The following UBE2D2 variants were observed in gnomAD, a reference collection of about 807,000 sequenced individuals.
UBE2D2 encodes ubiquitin-conjugating enzyme E2 D2.
A neutral mutation model predicts 24.2 loss-of-function variants in UBE2D2; 2 were observed. The ratio of observed to expected loss-of-function variants is 0.08; its 90% confidence interval spans 0.03 to 0.26. The LOEUF (loss-of-function observed/expected upper bound fraction) is 0.26. UBE2D2 is among the 10% of genes least tolerant of loss of function. The pLI, the probability that UBE2D2 is intolerant of heterozygous loss-of-function variation, is 1.00. For missense variants in UBE2D2, 44 were observed against 177.6 expected, an observed-to-expected ratio of 0.25 and a Z score of 4.28; for synonymous variants, 58 against 56.5, an observed-to-expected ratio of 1.03 and a Z score of -0.12.
At chr5:139,574,674 A>G (rs1021189990) in intron 1 of UBE2D2, among the ~76,000 whole-genome samples, 1 of 151,626 alleles carries the variant, frequency 6.6e-6, no homozygotes, top group African/African-American at 2.4e-5. Flanking sequence ...CCTAGTACCT[A>G]AAGCATGGTA....
chr5:139,564,476 C>G (rs143924305), intron 1 of UBE2D2, among the ~76,000 whole-genome samples: 7,696 of 142,300 alleles, frequency 0.054, 243 homozygotes, highest in South Asian at 0.11. Context: ...TTTTTGGAGA[C>G]GGAGTCTCCC....
intron 2 of UBE2D2, among the ~76,000 whole-genome samples, chr5:139,611,841 A>G (rs1754326111): frequency 6.6e-6 from 1 of 152,180 alleles, no homozygotes; most frequent in Non-Finnish European, 1.5e-5. Flanking sequence ...AAAACTGCCA[A>G]TACCTGATTT....
At chr5:139,539,182 G>A (rs372867947) in intron 1 of UBE2D2, among the ~76,000 whole-genome samples, 1 of 151,748 alleles carries the variant, frequency 6.6e-6, no homozygotes, top group South Asian at 2.1e-4. Flanking sequence ...CCACCACCAC[G>A]ACCAGCTAAT....
chr5:139,602,925 A>C (rs534369940), intron 2 of UBE2D2, among the ~76,000 whole-genome samples: 1 of 152,308 alleles, frequency 6.6e-6, no homozygotes, highest in Admixed American at 6.5e-5. Flanking sequence ...AAACTATACA[A>C]AATAATTTAG....
At chr5:139,606,251 T>A (rs879316869) in intron 2 of UBE2D2, among the ~76,000 whole-genome samples, 2 of 152,172 alleles carry the variant, frequency 1.3e-5, no homozygotes, top group Non-Finnish European at 2.9e-5. Context: ...AACCTCTGCG[T>A]CCCAGGTTCA....
intron 2 of UBE2D2, among the ~76,000 whole-genome samples, chr5:139,607,208 A>G (rs778174939): frequency 1.3e-5 from 2 of 152,246 alleles, no homozygotes; most frequent in African/African-American, 2.4e-5. Flanking sequence ...GAGTCTAGAA[A>G]GGCTTCCAGA....
chr5:139,582,663 CG>C (rs1263174939), intron 1 of UBE2D2, among the ~76,000 whole-genome samples: 6 of 143,192 alleles, frequency 4.2e-5, no homozygotes, highest in African/African-American at 8.1e-5. Context: ...GATTTAGATT[CG>C]AATTTTTTTT....
intron 1 of UBE2D2, among the ~76,000 whole-genome samples, chr5:139,538,341 A>T (rs1752713164): frequency 6.6e-6 from 1 of 152,188 alleles, no homozygotes; most frequent in Non-Finnish European, 1.5e-5. Flanking sequence ...AGTTCATAGC[A>T]GCATTACTCA....
rs757813580 is a variant in UBE2D2, at chr5:139,553,770, G to GTTAT, written c.-64+27174_-64+27177dup. Among the ~76,000 whole-genome samples, 3 of 151,988 alleles carry GTTAT rather than the reference G, an allele frequency of 2.0e-5. No individual in the cohort carries two copies. The South Asian group carries it at 6.2e-4, about 31-fold the overall frequency. On this transcript the variant is annotated intron_variant, in intron 1 of 6. Transcript: ENST00000511725. ...AAATCTTTAATGTTTGGTTCCATGA[G>GTTAT]TTATTTATTTATTTATTTAAATTTT...
At chr5:139,560,786 A>C (rs1409507142), upstream of UBE2D2, among the ~76,000 whole-genome samples, 1 of 152,122 alleles carries the variant, frequency 6.6e-6, no homozygotes, top group Non-Finnish European at 1.5e-5. Flanking sequence ...CACAACATTC[A>C]AATCCTCTCC....
At chr5:139,532,126 T>C (rs895793000) in intron 1 of UBE2D2, among the ~76,000 whole-genome samples, 11 of 152,030 alleles carry the variant, frequency 7.2e-5, no homozygotes, top group African/African-American at 2.7e-4. Flanking sequence ...AAATTTCAGT[T>C]TGCATATCCT....
chr5:139,606,740 T>C (rs957783317), intron 2 of UBE2D2, among the ~76,000 whole-genome samples: 1 of 152,218 alleles, frequency 6.6e-6, no homozygotes, highest in African/African-American at 2.4e-5. Context: ...TTTATGCTTA[T>C]GGTCCAGTAT....
Position 139,612,526 on chromosome 5 carries a change from C to G in UBE2D2, c.89-2060C>G, listed in dbSNP as rs373458931. On this transcript the variant is annotated intron_variant, in intron 2 of 6. Coordinates refer to ENST00000398733, the MANE Select transcript of UBE2D2 (RefSeq NM_003339.3). Reference sequence around the variant, plus strand: ...TGCTTTCTTACTATCTTACCCAACTCTTACAGCTTTGAGTGGAAATGCAGG... The same window carrying G: ...TGCTTTCTTACTATCTTACCCAACTGTTACAGCTTTGAGTGGAAATGCAGG... Among the ~76,000 whole-genome samples, 4 of 152,228 alleles carry G rather than the reference C, an allele frequency of 2.6e-5. No homozygotes were observed. The East Asian group carries it at 7.7e-4, about 29-fold the overall frequency.
At position 139,610,113 on chromosome 5, in the gene UBE2D2, A is replaced by C. The variant is rs551660412; in HGVS notation, c.89-4473A>C. Among the ~76,000 whole-genome samples the C allele has an allele frequency of 2.0e-5, 3 of 152,232 alleles. No homozygotes were observed. The South Asian group carries it at 6.2e-4, about 32-fold the overall frequency. ...AAATAGTTTAGTGTATTTTAATAGC[A>C]AACTCAAAGGAACAGTACAGAGACA... On this transcript the variant is annotated intron_variant, in intron 2 of 6. Transcript: ENST00000398733.
intron 1 of UBE2D2, among the ~76,000 whole-genome samples, chr5:139,552,282 T>C (rs1752929197): frequency 6.6e-6 from 1 of 151,670 alleles, no homozygotes; most frequent in Non-Finnish European, 1.5e-5. Context: ...CCTGCCTCAG[T>C]CTCCCGCGCA....
chr5:139,595,874 T>C (rs908556416), intron 1 of UBE2D2, among the ~76,000 whole-genome samples: 4 of 148,776 alleles, frequency 2.7e-5, no homozygotes, highest in Non-Finnish European at 4.4e-5. Flanking sequence ...CTTGTGGGTT[T>C]TTTTTTTGTT....
At chr5:139,538,641 C>T (rs1472590219) in intron 1 of UBE2D2, among the ~76,000 whole-genome samples, 1 of 151,966 alleles carries the variant, frequency 6.6e-6, no homozygotes, top group Admixed American at 6.6e-5. Context: ...GAGGCCGAGG[C>T]GGGCAGATCA....
At chr5:139,570,104 A>G (rs1321610984) in intron 1 of UBE2D2, among the ~76,000 whole-genome samples, 1 of 152,106 alleles carries the variant, frequency 6.6e-6, no homozygotes, top group African/African-American at 2.4e-5. Context: ...AAAGCGAAAC[A>G]AAGTGAAACA....
intron 5 of UBE2D2, among the ~76,000 whole-genome samples, chr5:139,618,919 T>C (rs1435188612): frequency 6.6e-6 from 1 of 152,198 alleles, no homozygotes; most frequent in African/African-American, 2.4e-5. Context: ...ATATAGTCTG[T>C]CTTCAAGGAC....
Sources: allele counts gnomAD v4.1 joint callset (sites outside exome capture counted in the v4.1 genomes callset), GRCh38; gene constraint gnomAD v4.1.1; transcripts MANE v1.5; gene names NCBI Gene and HGNC (gene_info 2026-07-23, HGNC 2026-07-21).